DPYS: variants seen among roughly 807,000 people sequenced by gnomAD.
DPYS encodes the protein dihydropyrimidinase.
In DPYS, 39 loss-of-function variants were observed where a neutral mutation model predicts 50.3. The observed-to-expected ratio is 0.78, with a 90% CI of 0.60 to 1.01. The LOEUF is 1.01. Among genes scored for constraint, DPYS ranks in the 50% least tolerant of loss-of-function variants. DPYS has a pLI of 0.00. For synonymous variants in DPYS, 245 were observed against 250.7 expected (o/e 0.98, Z 0.22); for missense variants, 659 against 680.9 (o/e 0.97, Z 0.36).
intron 1 of DPYS, among the ~76,000 whole-genome samples, chr8:104,461,060 T>C (rs1814140914): frequency 6.7e-6 from 1 of 150,202 alleles, no homozygotes. Flanking sequence ...GAGGTGAGTA[T>C]ATCACTTGAG....
intron 8 of DPYS, among the ~76,000 whole-genome samples, chr8:104,389,344 A>G (rs1189769648): frequency 2.0e-5 from 3 of 152,168 alleles, no homozygotes; most frequent in Non-Finnish European, 1.5e-5. Context: ...AGTTTTTATG[A>G]TTCTTTTTCT....
At chr8:104,441,611 G>A (rs1298048359) in intron 4 of DPYS, among the ~76,000 whole-genome samples, 1 of 152,150 alleles carries the variant, frequency 6.6e-6, no homozygotes, top group Non-Finnish European at 1.5e-5. Flanking sequence ...AAGGGGCCAC[G>A]AGCCAAGTAA....
chr8:104,417,234 G>A (rs1042779743), intron 7 of DPYS, among the ~76,000 whole-genome samples: 2 of 152,204 alleles, frequency 1.3e-5, no homozygotes, highest in South Asian at 2.1e-4. Context: ...GAGATTCTGT[G>A]AGATATCCTG....
rs1179991061 is a variant in DPYS, at chr8:104,381,324, A to G, written c.1444-10T>C. Reference sequence around the variant, plus strand: ...GGGTAGGTGTGCAAGTCTGAAAGAGAACATTTCATTTCTCTCTTGTGGTTT... The same window carrying G: ...GGGTAGGTGTGCAAGTCTGAAAGAGGACATTTCATTTCTCTCTTGTGGTTT... On this transcript the variant is annotated splice_polypyrimidine_tract_variant and intron_variant, in intron 8 of 9. Coordinates refer to ENST00000351513, the MANE Select transcript of DPYS (RefSeq NM_001385.3). 1.2e-6 allele frequency: 2 copies of G among 1,611,438 alleles called. No homozygotes were observed. Among genetic ancestry groups the G allele is most frequent in the African/African-American group, 2.7e-5 (2 of 74,858 alleles).
At chr8:104,462,170 C>T (rs1267534260) in intron 1 of DPYS, among the ~76,000 whole-genome samples, 2 of 152,046 alleles carry the variant, frequency 1.3e-5, no homozygotes, top group East Asian at 3.9e-4. Context: ...TTTTGAATTG[C>T]TCATCTAACC....
At chr8:104,443,923 G>T (rs1258376406) in intron 4 of DPYS, among the ~76,000 whole-genome samples, 1 of 152,084 alleles carries the variant, frequency 6.6e-6, no homozygotes, top group South Asian at 2.1e-4. Flanking sequence ...GGAGAGCTTT[G>T]CATTTAGCTA....
At chr8:104,382,543 T>G (rs1447890288) in intron 8 of DPYS, among the ~76,000 whole-genome samples, 1 of 151,064 alleles carries the variant, frequency 6.6e-6, no homozygotes, top group Non-Finnish European at 1.5e-5. Flanking sequence ...TCCCTGTTTT[T>G]TTTTTTTTTT....
At chr8:104,428,225 G>A in intron 5 of DPYS, 104 bp from the exon 6 acceptor site, 1 of 1,486,230 alleles carries the variant, frequency 6.7e-7, no homozygotes. Context: ...CTCAATTGAA[G>A]TCAGAAAAAT....
intron 7 of DPYS, among the ~76,000 whole-genome samples, chr8:104,402,078 T>C (rs1334904409): frequency 6.6e-6 from 1 of 152,234 alleles, no homozygotes; most frequent in Non-Finnish European, 1.5e-5. Flanking sequence ...TCTGCTATTT[T>C]GTCCTTGGAG....
Position 104,444,344 on chromosome 8 carries a change from C to T in DPYS, c.697G>A (p.Ala233Thr). 6.2e-7 allele frequency: 1 copy of T among 1,614,242 alleles called. No homozygotes were observed. Among genetic ancestry groups the T allele is most frequent in the South Asian group, 1.1e-5 (1 of 91,082 alleles). ...EAVEAEATLR[A>T]ITIASAVNCP... Reference sequence around the variant, plus strand: ...TTCACAGCGCTGGCTATGGTGATGGCTCTCAGCGTGGCCTCTGCCTCCACT... The same window carrying T: ...TTCACAGCGCTGGCTATGGTGATGGTTCTCAGCGTGGCCTCTGCCTCCACT... The change falls in exon 4 of 10, where the codon GCC (alanine) becomes ACC (threonine). Residue 233 changes from alanine (A) to threonine (T), a missense_variant. By Grantham distance (58) the Ala-to-Thr change is moderately conservative. Transcript: ENST00000351513.
rs568135080 is a variant in DPYS at position 104,466,744 on chromosome 8, G to C, written c.177C>G (p.Val59=). Residue 59 remains valine (V), a synonymous_variant, in exon 1 of 10, where the codon GTC becomes GTG. Transcript: ENST00000351513. ...LRVLDAAGKL[V]LPGGIDTHTH... Reference sequence around the variant, plus strand: ...TGTGTGTGTCGATGCCTCCGGGCAGGACGAGCTTGCCGGCGGCGTCGAGGA... The same window carrying C: ...TGTGTGTGTCGATGCCTCCGGGCAGCACGAGCTTGCCGGCGGCGTCGAGGA... The C allele has an allele frequency of 2.0e-4, 303 of 1,535,720 alleles. 1 individual carries two copies. Among genetic ancestry groups the C allele is most frequent in the South Asian group, 1.5e-3 (129 of 83,612 alleles).
chr8:104,402,097 T>C (rs913972081), intron 7 of DPYS, among the ~76,000 whole-genome samples: 1 of 152,226 alleles, frequency 6.6e-6, no homozygotes, highest in Non-Finnish European at 1.5e-5. Flanking sequence ...AGGTATGTAA[T>C]ATAGGTCATG....
chr8:104,401,773 T>C (rs910689613), intron 7 of DPYS, among the ~76,000 whole-genome samples: 9 of 152,202 alleles, frequency 5.9e-5, no homozygotes, highest in Non-Finnish European at 8.8e-5. Context: ...TGACAAGTTA[T>C]ATAAATGGGG....
rs146325477 is a variant in DPYS, at chr8:104,455,551, G to A, written c.265-4147C>T. Among the ~76,000 whole-genome samples the A allele has an allele frequency of 3.3e-4, 51 of 152,284 alleles. 1 individual carries two copies. Among genetic ancestry groups the A allele is most frequent in the African/African-American group, 1.1e-3 (47 of 41,556 alleles). On this transcript the variant is annotated intron_variant, in intron 1 of 9. Coordinates refer to ENST00000351513, the MANE Select transcript of DPYS (RefSeq NM_001385.3). ...GAACATCCTGAGAGTGAGGTGCTTGGGCACGTGTCCACCTGGTGGCATTTG... is the reference window on the plus strand; with the variant it reads ...GAACATCCTGAGAGTGAGGTGCTTGAGCACGTGTCCACCTGGTGGCATTTG...
rs969484771 is a variant in DPYS at position 104,381,230 on chromosome 8, T to G, written c.1528A>C (p.Thr510Pro). The G allele has an allele frequency of 4.3e-6, 7 of 1,614,032 alleles. No individual in the cohort carries two copies. The African/African-American group carries it at 9.3e-5, about 22-fold the overall frequency. Reference protein sequence around the residue: ...LKSRVTKEDATAGTRKQAHP With the variant: ...LKSRVTKEDAPAGTRKQAHP ...TGGGCCTGTTTCCTGGTCCCTGCTG[T>G]GGCATCTTCTTTTGTCACTCTGGAT... is the stretch of plus-strand genomic sequence containing the variant. Residue 510 changes from threonine (T) to proline (P), a missense_variant, in exon 9 of 10, where the codon ACA becomes CCA. Thr to Pro is a conservative substitution (Grantham distance 38). Coordinates refer to ENST00000351513, the MANE Select transcript of DPYS (RefSeq NM_001385.3).
At chr8:104,392,442 C>A (rs1382420123) in intron 8 of DPYS, among the ~76,000 whole-genome samples, 2 of 152,180 alleles carry the variant, frequency 1.3e-5, no homozygotes, top group Admixed American at 1.3e-4. Flanking sequence ...GTTTCTTTCA[C>A]AGGTGTTTCC....
chr8:104,396,324 A>C (rs184192764), intron 7 of DPYS, among the ~76,000 whole-genome samples: 2 of 152,338 alleles, frequency 1.3e-5, no homozygotes, highest in Admixed American at 1.3e-4. Context: ...AAATGAATTA[A>C]AAATTTGTGC....
At chr8:104,449,502 G>C (rs549015405) in intron 2 of DPYS, among the ~76,000 whole-genome samples, 1 of 152,346 alleles carries the variant, frequency 6.6e-6, no homozygotes, top group South Asian at 2.1e-4. Context: ...GGTCCCACCT[G>C]CTCCTAACCT....
chr8:104,432,503 A>G (rs1030020567), intron 4 of DPYS, among the ~76,000 whole-genome samples: 10 of 152,232 alleles, frequency 6.6e-5, no homozygotes, highest in Admixed American at 6.5e-4. Context: ...CTGGCCACTA[A>G]ATAGGAGGCC....
Sources: gnomAD v4.1 joint callset for allele counts (sites outside exome capture counted in the v4.1 genomes callset) on GRCh38, gnomAD v4.1.1 for gene constraint, MANE v1.5 for transcripts, NCBI Gene and HGNC (gene_info 2026-07-23, HGNC 2026-07-21) for gene names.